The following TBC1D17 variants were observed in gnomAD, a reference collection of about 807,000 sequenced individuals.
TBC1D17 encodes TBC1 domain family member 17.
TBC1D17 carries 69 observed loss-of-function variants against 78.8 expected under a neutral mutation model. That is an observed-to-expected ratio of 0.88 (90% CI 0.72 to 1.07). The LOEUF is 1.07. Ranked by LOEUF, TBC1D17 falls within the 50% of genes least tolerant of loss-of-function variation. The pLI is 0.00. For missense variants in TBC1D17, 957 were observed against 861.0 expected (o/e 1.11, Z -1.39); for synonymous variants, 456 against 358.3 (o/e 1.27, Z -3.08).
At chr19:49,877,783 C>G (rs1441299396) in intron 1 of TBC1D17, 39 bp downstream of exon 1, 2 of 1,567,038 alleles carry the variant, frequency 1.3e-6, no homozygotes, top group Non-Finnish European at 1.7e-6. Context: ...TCAGTGTATG[C>G]GAAACGCCCC....
Position 49,878,349 on chromosome 19 carries a change from T to A in TBC1D17, c.120+108T>A. Reference sequence around the variant, plus strand: ...TGGTCTGGCGGTCAGCAGTGGGACCTGAAGAAGGCTGGGTGTGGGAACTGG... The same window carrying A: ...TGGTCTGGCGGTCAGCAGTGGGACCAGAAGAAGGCTGGGTGTGGGAACTGG... On this transcript the variant is annotated intron_variant, in intron 2 of 16. Transcript: ENST00000221543. 2.4e-6 allele frequency: 3 copies of A among 1,238,022 alleles called. No homozygotes were observed. In the East Asian group the frequency reaches 7.6e-5, roughly 31 times the overall value. 76.7% of individuals were successfully genotyped at this position (1,238,022 alleles called of 1,614,324 possible).
At chr19:49,883,199 T>C (rs1172934557) in intron 9 of TBC1D17, 123 bp downstream of exon 9, 5 of 847,178 alleles carry the variant, frequency 5.9e-6, no homozygotes, top group Non-Finnish European at 9.1e-6. Context: ...CCTGCGCCTG[T>C]GGAATACGGC....
intron 5 of TBC1D17, 136 bp downstream of exon 5, chr19:49,881,611 C>G (rs1242773448): frequency 2.3e-6 from 2 of 867,678 alleles, no homozygotes; most frequent in Non-Finnish European, 3.5e-6. Context: ...GCACATATAA[C>G]TAAAAAGTCA....
rs764643637 is a variant in TBC1D17, at chr19:49,887,740, G to T, written c.1565G>T (p.Gly522Val). 3.7e-6 allele frequency: 6 copies of T among 1,613,766 alleles called. No individual in the cohort carries two copies. The highest frequency in any genetic ancestry group is 5.1e-6 in the Non-Finnish European group (6 of 1,179,932). Residue 522 changes from glycine to valine, a missense_variant, in exon 15 of 17, where the codon GGC becomes GTC. Coordinates refer to ENST00000221543, the MANE Select transcript of TBC1D17 (RefSeq NM_024682.3). ...LWEVLWTGLPGPNLHLLVACA... is the reference protein window; with the variant it reads ...LWEVLWTGLPVPNLHLLVACA... Reference sequence around the variant, plus strand: ...CAGGTGCTGTGGACAGGGCTCCCTGGCCCCAATCTGCACCTGCTGGTGGCC... The same window carrying T: ...CAGGTGCTGTGGACAGGGCTCCCTGTCCCCAATCTGCACCTGCTGGTGGCC...
At position 49,888,695 on chromosome 19, in the gene TBC1D17, T is replaced by C. The variant is rs1304345838; in HGVS notation, c.*71T>C. 1 of 1,349,170 alleles carries C rather than the reference T, an allele frequency of 7.4e-7. No homozygotes were observed. The highest frequency in any genetic ancestry group is 9.9e-7 in the Non-Finnish European group (1 of 1,007,904). The allele number at this position is 1,349,170 out of a possible 1,614,324, so 83.6% of individuals were successfully genotyped here. ...AGGCACACCTGCGAGGGGGCAGGTG[T>C]GCTCCGCCGCCCTGCTGATAAGCTG... On this transcript the variant is annotated 3_prime_UTR_variant, in exon 17 of 17. Transcript: ENST00000221543.
At chr19:49,880,164 A>G (rs2075000534) in intron 3 of TBC1D17, 115 bp from the exon 4 acceptor site, 3 of 1,372,784 alleles carry the variant, frequency 2.2e-6, no homozygotes. Context: ...GGCCTGCTGT[A>G]CCTTCTTTGT....
rs1168938699 is a variant in TBC1D17 at position 49,882,762 on chromosome 19, A to T, written c.799-2A>T. On this transcript the variant is annotated splice_acceptor_variant, in intron 7 of 16. Transcript: ENST00000221543. LOFTEE classifies it high-confidence loss of function. Reference sequence around the variant, plus strand: ...CCAGGCTCATTTGCTCTTTGCCTGCAGGTGGAGCTGGGGCCTCGGCCAACC... The same window carrying T: ...CCAGGCTCATTTGCTCTTTGCCTGCTGGTGGAGCTGGGGCCTCGGCCAACC... 1 of 1,557,262 alleles carries T rather than the reference A, an allele frequency of 6.4e-7. No individual in the cohort carries two copies.
At chr19:49,879,559 A>T (rs1422659533) in intron 3 of TBC1D17, 1 of 151,896 alleles carries the variant, frequency 6.6e-6, no homozygotes, top group Non-Finnish European at 1.5e-5. Flanking sequence ...TCCAGCTGCA[A>T]AGAAACCTGG....
intron 13 of TBC1D17, chr19:49,886,875 A>AAC (rs2075062829): frequency 6.6e-6 from 1 of 152,296 alleles, no homozygotes; most frequent in South Asian, 2.0e-4. Context: ...GGCTCACTAC[A>AAC]ACCTCCACCT....
At position 49,884,311 on chromosome 19, in the gene TBC1D17, G is replaced by C; in HGVS notation, c.1185G>C (p.Pro395=). 3 of 1,614,052 alleles carry C rather than the reference G, an allele frequency of 1.9e-6. No homozygotes were observed. The highest frequency in any genetic ancestry group is 2.5e-6 in the Non-Finnish European group (3 of 1,180,024). Residue 395 remains proline, a synonymous_variant, in exon 11 of 17, where the codon CCG becomes CCC. Coordinates refer to ENST00000221543, the MANE Select transcript of TBC1D17 (RefSeq NM_024682.3). ...TNKFYEGPEN[P]GLGLLNDILL... ...AGTTCTACGAGGGTCCCGAGAACCC[G>C]GGGCTGGGCCTGCTGAACGATATCC...
chr19:49,888,575 G>A lies in TBC1D17; in HGVS notation c.1898G>A (p.Ser633Asn). Residue 633 changes from serine (S) to asparagine (N), a missense_variant, in exon 17 of 17, where the codon AGC becomes AAC. Transcript: ENST00000221543. The part of the protein sequence containing the change: ...PSTDTAPQPD[S>N]SLEILPEEED... The stretch of plus-strand genomic sequence containing the variant: ...ACGGACACAGCCCCGCAGCCCGACA[G>A]CAGCCTGGAGATCCTGCCCGAGGAG... The A allele has an allele frequency of 7.2e-7, 1 of 1,394,240 alleles. No homozygotes were observed. The highest frequency in any genetic ancestry group is 3.6e-5 in the East Asian group (1 of 27,574). The allele number at this position is 1,394,240 out of a possible 1,614,324, so 86.4% of individuals were successfully genotyped here. A position where few individuals can be genotyped will look rare whatever the true frequency, so the allele number is the denominator to read the frequency against.
In TBC1D17 at chr19:49,888,594, C is replaced by A. The variant is rs541007649; in HGVS notation, c.1917C>A (p.Pro639=). The change falls in exon 17 of 17, where the codon CCC becomes CCA. Residue 639 remains proline (P), a synonymous_variant. Transcript: ENST00000221543. ...CCGACAGCAGCCTGGAGATCCTGCC[C>A]GAGGAGGAGGACGAGGGCGCCGACT... ...PQPDSSLEIL[P]EEEDEGADS is the part of the protein sequence containing the mutation. 4.6e-6 allele frequency: 7 copies of A among 1,536,588 alleles called. No homozygotes were observed. The highest frequency in any genetic ancestry group is 2.0e-5 in the Admixed American group (1 of 50,938).
Position 49,877,723 on chromosome 19 carries a change from T to G in TBC1D17, c.-1T>G, listed in dbSNP as rs368072810. On this transcript the variant is annotated 5_prime_UTR_variant, in exon 1 of 17. Transcript: ENST00000221543. ...GGGCAGTGGGGCCTTCGGCGGCGAC[T>G]ATGGAAGGAGCCGGCTACAGGGTAA... The G allele has an allele frequency of 1.1e-5, 17 of 1,600,396 alleles. No individual in the cohort carries two copies. The highest frequency in any genetic ancestry group is 1.4e-5 in the Non-Finnish European group (17 of 1,174,494).
At chr19:49,885,798 T>G (rs1429759161) in intron 13 of TBC1D17, among the ~76,000 whole-genome samples, 2 of 150,358 alleles carry the variant, frequency 1.3e-5, no homozygotes, top group Non-Finnish European at 3.0e-5. Context: ...ATAGCAAAAC[T>G]CTGTTTCTAC....
chr19:49,883,275 G>A (rs2075031971), intron 9 of TBC1D17, among the ~76,000 whole-genome samples, 199 bp downstream of exon 9: 1 of 152,164 alleles, frequency 6.6e-6, no homozygotes, highest in Admixed American at 6.5e-5. Context: ...TCATTCCTGT[G>A]CCATACTGTT....
chr19:49,881,646 G>A (rs1475240635), intron 5 of TBC1D17, among the ~76,000 whole-genome samples, 171 bp downstream of exon 5: 1 of 152,232 alleles, frequency 6.6e-6, no homozygotes, highest in Non-Finnish European at 1.5e-5. Flanking sequence ...TTTCAGGCAG[G>A]ACCCAGGTCC....
At chr19:49,883,132 C>A in intron 9 of TBC1D17, 56 bp downstream of exon 9, 1 of 1,487,616 alleles carries the variant, frequency 6.7e-7, no homozygotes, top group Admixed American at 2.0e-5. Flanking sequence ...CCTCCTAGGG[C>A]ACCAATGGGC....
At position 49,883,641 on chromosome 19, in the gene TBC1D17, TG is replaced by T. The variant is rs1414008932; in HGVS notation, c.1032-9del. On this transcript the variant is annotated splice_polypyrimidine_tract_variant and intron_variant, in intron 9 of 16. Transcript: ENST00000221543. ...GGCGGCCTCACATCTTGTTTCCCTC[TG>T]TCACTCAGGGATGAGTATTTCCGCA... 6.2e-7 allele frequency: 1 copy of T among 1,612,778 alleles called. No homozygotes were observed. The highest frequency in any genetic ancestry group is 1.1e-5 in the South Asian group (1 of 91,068).
Position 49,888,213 on chromosome 19 carries a change from AC to A in TBC1D17, c.1660-15del. 1 of 1,566,822 alleles carries A rather than the reference AC, an allele frequency of 6.4e-7. No individual in the cohort carries two copies. The highest frequency in any genetic ancestry group is 8.6e-7 in the Non-Finnish European group (1 of 1,156,400). On this transcript the variant is annotated splice_polypyrimidine_tract_variant and intron_variant, in intron 15 of 16. Transcript: ENST00000221543. Reference sequence around the variant, plus strand: ...GTGGTTGAGTGCCGACTGGCGCCTGACCCACCCCCTCCCGCAGCACATCAAC... The same window carrying A: ...GTGGTTGAGTGCCGACTGGCGCCTGACCACCCCCTCCCGCAGCACATCAAC...
Sources: gnomAD v4.1 joint callset for allele counts (sites outside exome capture counted in the v4.1 genomes callset) on GRCh38, gnomAD v4.1.1 for gene constraint, MANE v1.5 for transcripts, NCBI Gene and HGNC (gene_info 2026-07-23, HGNC 2026-07-21) for gene names.